The following FYB2 variants were observed in gnomAD, a reference collection of about 807,000 sequenced individuals.
The protein encoded by FYB2 is FYN binding protein 2, also known as FYN-binding protein 2.
FYB2 carries 103 observed loss-of-function variants against 94.1 expected under a neutral mutation model. That is an observed-to-expected ratio of 1.09 (90% CI 0.93 to 1.29). The LOEUF is 1.29. Among genes scored for constraint, FYB2 ranks in the 50% most tolerant of loss-of-function variants. The pLI is 0.00. For missense variants in FYB2, 896 were observed against 841.5 expected (o/e 1.06, Z -0.80); for synonymous variants, 293 against 287.9 (o/e 1.02, Z -0.18).
chr1:56,726,759 T>C (rs1644592734), intron 15 of FYB2, among the ~76,000 whole-genome samples, 176 bp from the exon 16 acceptor site: 1 of 152,100 alleles, frequency 6.6e-6, no homozygotes, highest in South Asian at 2.1e-4. Context: ...CAGGCCATAT[T>C]ATCTCTATGG....
intron 1 of FYB2, among the ~76,000 whole-genome samples, chr1:56,805,084 T>C (rs1646612755): frequency 6.6e-6 from 1 of 152,200 alleles, no homozygotes; most frequent in Non-Finnish European, 1.5e-5. Context: ...TTCCAGTTCT[T>C]AGGTTGGGCC....
At chr1:56,722,907 C>G (rs951600565) in intron 17 of FYB2, among the ~76,000 whole-genome samples, 6 of 151,958 alleles carry the variant, frequency 3.9e-5, no homozygotes, top group African/African-American at 1.4e-4. Flanking sequence ...ATGGAAGGTG[C>G]TCAGTATGTT....
intron 7 of FYB2, among the ~76,000 whole-genome samples, chr1:56,755,235 A>T (rs1645297754): frequency 6.6e-6 from 1 of 152,092 alleles, no homozygotes; most frequent in South Asian, 2.1e-4. Context: ...ACATACAAGG[A>T]GCTCCCAGAC....
chr1:56,747,576 AG>A (rs1472715042), intron 9 of FYB2, among the ~76,000 whole-genome samples: 2 of 152,116 alleles, frequency 1.3e-5, no homozygotes. Flanking sequence ...GTCCTTGCAA[AG>A]GACATGAACT....
chr1:56,719,976 A>T (rs1356170642), intron 19 of FYB2, 46 bp downstream of exon 19: 1 of 1,515,490 alleles, frequency 6.6e-7, no homozygotes, highest in Non-Finnish European at 9.0e-7. Flanking sequence ...GTATACAACA[A>T]TGTATTAGGA....
chr1:56,764,206 G>A (rs570262627), intron 5 of FYB2, among the ~76,000 whole-genome samples: 1 of 152,124 alleles, frequency 6.6e-6, no homozygotes, highest in East Asian at 1.9e-4. Context: ...CACTCGCCTC[G>A]GCCTTCCAGA....
At chr1:56,777,239 CAAAAAAAAAAAAAAAA>C (rs1453236717) in intron 4 of FYB2, among the ~76,000 whole-genome samples, 1 of 4,798 alleles carries the variant, frequency 2.1e-4, no homozygotes, top group Non-Finnish European at 2.6e-4. Context: ...GTCTCAAAAA[CAAAAAAAAAAAAAAAA>C]AAAAAAAAAA....
chr1:56,810,220 T>C (rs1004048748), intron 1 of FYB2, among the ~76,000 whole-genome samples: 5 of 152,214 alleles, frequency 3.3e-5, no homozygotes, highest in Admixed American at 6.5e-5. Context: ...GTATCAGTTC[T>C]GTTAGGTGGC....
chr1:56,793,959 C>G (rs10889017), intron 1 of FYB2, among the ~76,000 whole-genome samples: 61,649 of 151,938 alleles, frequency 0.41, 12,828 homozygotes, highest in Non-Finnish European at 0.46. Context: ...CTTGATCTTC[C>G]CTCTAAGTGC....
At chr1:56,800,470 CA>C (rs531170393) in intron 1 of FYB2, among the ~76,000 whole-genome samples, 1 of 151,678 alleles carries the variant, frequency 6.6e-6, no homozygotes, top group African/African-American at 2.4e-5. Flanking sequence ...TATGTAAAGG[CA>C]AAAAAATAAA....
chr1:56,806,555 T>C (rs1174012019), intron 1 of FYB2, among the ~76,000 whole-genome samples: 2 of 152,104 alleles, frequency 1.3e-5, no homozygotes, highest in Admixed American at 6.5e-5. Flanking sequence ...AATTTACATA[T>C]TTATGGTTCA....
chr1:56,753,242 G>T (rs1181068174), intron 8 of FYB2, among the ~76,000 whole-genome samples: 1 of 152,024 alleles, frequency 6.6e-6, no homozygotes, highest in Non-Finnish European at 1.5e-5. Flanking sequence ...CCACCCAACT[G>T]CTTTGAAGCA....
intron 4 of FYB2, among the ~76,000 whole-genome samples, chr1:56,786,903 G>T (rs534399188): frequency 1.3e-5 from 2 of 152,166 alleles, no homozygotes; most frequent in South Asian, 4.2e-4. Context: ...GACTATGAAG[G>T]GTGATGTTTC....
At chr1:56,817,755 A>G (rs1441404037) in intron 1 of FYB2, among the ~76,000 whole-genome samples, 3 of 152,226 alleles carry the variant, frequency 2.0e-5, no homozygotes, top group South Asian at 2.1e-4. Flanking sequence ...TGAAAGTTAT[A>G]TAATCATATT....
At chr1:56,808,689 C>T (rs1646699321) in intron 1 of FYB2, among the ~76,000 whole-genome samples, 1 of 152,124 alleles carries the variant, frequency 6.6e-6, no homozygotes, top group Non-Finnish European at 1.5e-5. Context: ...AAACCATGCA[C>T]TGCTAGCTTT....
intron 9 of FYB2, among the ~76,000 whole-genome samples, chr1:56,748,198 C>G (rs1255838983): frequency 1.3e-5 from 2 of 152,062 alleles, no homozygotes; most frequent in Non-Finnish European, 2.9e-5. Context: ...CTGAAGGTTG[C>G]CTGTTCACTC....
chr1:56,814,876 G>A (rs1646846240), intron 1 of FYB2, among the ~76,000 whole-genome samples: 1 of 152,022 alleles, frequency 6.6e-6, no homozygotes, highest in Non-Finnish European at 1.5e-5. Flanking sequence ...GCCTACATGG[G>A]GTTTCACAGA....
chr1:56,818,073 G>A (rs1231132061), intron 1 of FYB2, among the ~76,000 whole-genome samples: 1 of 152,160 alleles, frequency 6.6e-6, no homozygotes, highest in Non-Finnish European at 1.5e-5. Flanking sequence ...CAGAGATGGG[G>A]AAAATGTAAG....
intron 4 of FYB2, among the ~76,000 whole-genome samples, chr1:56,772,038 T>A (rs1374452242): frequency 6.6e-6 from 1 of 152,144 alleles, no homozygotes; most frequent in Non-Finnish European, 1.5e-5. Flanking sequence ...AGAAAAATTA[T>A]AAACTCCAAT....
Sources: gnomAD v4.1 joint callset for allele counts (sites outside exome capture counted in the v4.1 genomes callset) on GRCh38, gnomAD v4.1.1 for gene constraint, MANE v1.5 for transcripts, NCBI Gene and HGNC (gene_info 2026-07-23, HGNC 2026-07-21) for gene names.